MTHFD1: variants seen among roughly 807,000 people sequenced by gnomAD.
MTHFD1 encodes methylenetetrahydrofolate dehydrogenase, cyclohydrolase and formyltetrahydrofolate synthetase 1.
Under a neutral mutation model 110.3 loss-of-function variants are expected in MTHFD1, and 44 were observed. That is an observed-to-expected ratio of 0.40 (90% CI 0.31 to 0.51). The LOEUF is 0.51. Among genes scored for constraint, MTHFD1 ranks in the 20% least tolerant of loss-of-function variants. The pLI, the probability that MTHFD1 is intolerant of heterozygous loss-of-function variation, is 0.60. For synonymous variants in MTHFD1, 402 were observed against 428.8 expected (o/e 0.94, Z 0.77); for missense variants, 909 against 1,173.1 (o/e 0.77, Z 3.29).
At chr14:64,422,348 C>T (rs146396863) in intron 8 of MTHFD1, among the ~76,000 whole-genome samples, 44 of 152,150 alleles carry the variant, frequency 2.9e-4, no homozygotes, top group African/African-American at 1.1e-3. Context: ...CTTCTTGGTT[C>T]ATATTTTGAT....
At chr14:64,457,526 G>A (rs947532072) in intron 26 of MTHFD1, among the ~76,000 whole-genome samples, 5 of 151,708 alleles carry the variant, frequency 3.3e-5, no homozygotes, top group Non-Finnish European at 7.4e-5. Flanking sequence ...CAAGATCTCG[G>A]CTCACTGCAA....
At chr14:64,453,146 ATATATATTAATATGTGTATC>A (rs939242732) in intron 24 of MTHFD1, among the ~76,000 whole-genome samples, 1 of 152,024 alleles carries the variant, frequency 6.6e-6, no homozygotes, top group Non-Finnish European at 1.5e-5. Flanking sequence ...TAAAACCTTA[ATATATATTAATATGTGTATC>A]TATATCTATA....
chr14:64,388,687 G>C, intron 1 of MTHFD1: 1 of 617,772 alleles, frequency 1.6e-6, no homozygotes, highest in Non-Finnish European at 2.9e-6. Context: ...TGTGCTTCGG[G>C]GAAAAGTCCT....
chr14:64,414,656 A>AT (rs564110675), intron 4 of MTHFD1, among the ~76,000 whole-genome samples: 1,405 of 124,046 alleles, frequency 0.011, 16 homozygotes, highest in African/African-American at 0.03. Context: ...CCCAGCCCTA[A>AT]TTTTTTTTTT....
At chr14:64,453,444 G>A (rs1393190018) in intron 24 of MTHFD1, among the ~76,000 whole-genome samples, 2 of 152,096 alleles carry the variant, frequency 1.3e-5, no homozygotes, top group Non-Finnish European at 2.9e-5. Context: ...GGTTGCGCAT[G>A]CCTATAATCC....
intron 4 of MTHFD1, among the ~76,000 whole-genome samples, chr14:64,414,394 C>A (rs1270214976): frequency 6.7e-6 from 1 of 148,592 alleles, no homozygotes; most frequent in Non-Finnish European, 1.5e-5. Context: ...TGGGTTCAAG[C>A]GATTCTCATG....
intron 4 of MTHFD1, among the ~76,000 whole-genome samples, chr14:64,414,286 C>CTTTTTTTTTTTT (rs3062425): frequency 1.2e-5 from 1 of 86,468 alleles, no homozygotes; most frequent in African/African-American, 4.8e-5. Context: ...CCTGTCCCCG[C>CTTTTTTTTTTTT]TTTTTTTTTT....
chr14:64,450,103 A>G (rs2078346521), intron 24 of MTHFD1, among the ~76,000 whole-genome samples: 1 of 152,208 alleles, frequency 6.6e-6, no homozygotes, highest in Non-Finnish European at 1.5e-5. Context: ...CAGCCTTCTT[A>G]TAAACATATG....
intron 15 of MTHFD1, among the ~76,000 whole-genome samples, chr14:64,434,434 T>C (rs1387354399): frequency 3.3e-5 from 5 of 151,978 alleles, no homozygotes; most frequent in Middle Eastern, 3.2e-3. Flanking sequence ...CACCTGTAGT[T>C]ATACCCAGCT....
At chr14:64,448,156 A>T in intron 22 of MTHFD1, 61 bp from the exon 23 acceptor site, 1 of 1,259,240 alleles carries the variant, frequency 7.9e-7, no homozygotes, top group Non-Finnish European at 1.2e-6. Flanking sequence ...GCCTTTGAAG[A>T]AGAACCTGCA....
intron 11 of MTHFD1, 94 bp downstream of exon 11, chr14:64,426,286 C>A: frequency 7.0e-7 from 1 of 1,434,050 alleles, no homozygotes; most frequent in Non-Finnish European, 9.8e-7. Context: ...GTAGAGGTGC[C>A]TTTAATTTGA....
At chr14:64,432,113 ACTTC>A (rs1401847833) in intron 15 of MTHFD1, among the ~76,000 whole-genome samples, 2 of 152,198 alleles carry the variant, frequency 1.3e-5, no homozygotes, top group Non-Finnish European at 2.9e-5. Context: ...AAGAAACGAC[ACTTC>A]CTTTATAACA....
intron 2 of MTHFD1, among the ~76,000 whole-genome samples, chr14:64,407,203 C>T (rs984568433): frequency 2.6e-5 from 4 of 152,100 alleles, no homozygotes; most frequent in Non-Finnish European, 5.9e-5. Context: ...TGGTGGCTCA[C>T]GCCTGTAATC....
At chr14:64,446,251 T>C (rs934185074) in intron 22 of MTHFD1, among the ~76,000 whole-genome samples, 2 of 152,236 alleles carry the variant, frequency 1.3e-5, no homozygotes, top group Admixed American at 1.3e-4. Flanking sequence ...TATATACATG[T>C]ATTTTTGTGT....
At chr14:64,435,460 G>T in intron 15 of MTHFD1, 109 bp from the exon 16 acceptor site, 1 of 754,352 alleles carries the variant, frequency 1.3e-6, no homozygotes, top group Non-Finnish European at 2.5e-6. Context: ...AAGATGGTTT[G>T]CATTTCCTAG....
chr14:64,410,942 C>T (rs186974228), intron 2 of MTHFD1, 148 bp from the exon 3 acceptor site: 11 of 685,722 alleles, frequency 1.6e-5, no homozygotes, highest in Admixed American at 6.2e-5. Flanking sequence ...CCTCCTGCCC[C>T]CACAGCCTCC....
At chr14:64,418,769 C>T (rs967934592) in intron 7 of MTHFD1, among the ~76,000 whole-genome samples, 2 of 151,592 alleles carry the variant, frequency 1.3e-5, no homozygotes, top group African/African-American at 4.8e-5. Flanking sequence ...TTGGTCAGGC[C>T]GGTCTTGAAC....
rs774842025 is a variant in MTHFD1, at chr14:64,441,365, T to C, written c.1816-20T>C. ...TTTTTTTGCTGGTGGGAGTTGATGCTGCACACATTTGTTTTGTAGGGGGTG... is the reference window on the plus strand; with the variant it reads ...TTTTTTTGCTGGTGGGAGTTGATGCCGCACACATTTGTTTTGTAGGGGGTG... On this transcript the variant is annotated intron_variant, in intron 18 of 27. Coordinates refer to ENST00000652337, the MANE Select transcript of MTHFD1 (RefSeq NM_005956.4). 8.1e-6 allele frequency: 13 copies of C among 1,613,364 alleles called. No homozygotes were observed. The Admixed American group carries it at 8.3e-5, about 10-fold the overall frequency.
At chr14:64,452,344 A>G (rs1162751535) in intron 24 of MTHFD1, among the ~76,000 whole-genome samples, 1 of 152,204 alleles carries the variant, frequency 6.6e-6, no homozygotes, top group Non-Finnish European at 1.5e-5. Flanking sequence ...TAGTTGCTAT[A>G]AAGACAGATA....
Sources: gnomAD v4.1 joint callset for allele counts (sites outside exome capture counted in the v4.1 genomes callset) on GRCh38, gnomAD v4.1.1 for gene constraint, MANE v1.5 for transcripts, NCBI Gene and HGNC (gene_info 2026-07-23, HGNC 2026-07-21) for gene names.